Variants in COL18A1 observed in about 807,000 individuals in gnomAD.
COL18A1 encodes collagen alpha-1(XVIII) chain.
Under a neutral mutation model 168.0 loss-of-function variants are expected in COL18A1, and 133 were observed. The observed-to-expected ratio is 0.79, with a 90% CI of 0.69 to 0.91. The LOEUF (loss-of-function observed/expected upper bound fraction) is 0.91, where lower values mean the gene tolerates loss of function less well. Ranked by LOEUF, COL18A1 falls within the 40% of genes least tolerant of loss-of-function variation. The pLI, the probability that COL18A1 is intolerant of heterozygous loss-of-function variation, is 0.00. For synonymous variants in COL18A1, 949 were observed against 809.0 expected, an observed-to-expected ratio of 1.17 and a Z score of -2.94; for missense variants, 2,126 against 1,925.4, an observed-to-expected ratio of 1.10 and a Z score of -1.95.
chr21:45,456,931 G>A (rs2034850350), intron 2 of COL18A1: 2 of 1,351,960 alleles, frequency 1.5e-6, no homozygotes, highest in African/African-American at 1.5e-5. Flanking sequence ...GCCTTGCCAG[G>A]TAAGTGTGGG....
At chr21:45,437,676 A>G (rs2034201851) in intron 2 of COL18A1, among the ~76,000 whole-genome samples, 2 of 80,174 alleles carry the variant, frequency 2.5e-5, no homozygotes, top group Non-Finnish European at 4.7e-5. Context: ...TCAGACACAC[A>G]GGCACTCTCC....
chr21:45,505,388 C>G lies in COL18A1; in HGVS notation c.3044C>G (p.Pro1015Arg). 1 of 1,571,910 alleles carries G rather than the reference C, an allele frequency of 6.4e-7. No homozygotes were observed. Among genetic ancestry groups the G allele is most frequent in the Non-Finnish European group, 8.7e-7 (1 of 1,149,160 alleles). Residue 1015 changes from proline to arginine, a missense_variant, in exon 36 of 42, where the codon CCT becomes CGT. Pro to Arg is a moderately radical substitution (Grantham distance 103). Coordinates refer to ENST00000651438, the MANE Select transcript of COL18A1 (RefSeq NM_001379500.1). ...TISVPGPPGP[P>R]GPPGPPGTMG... ...AGCGTTCCCGGCCCTCCGGGCCCCC[C>G]TGGGCCCCCTGGGCCCCCTGGAACC... is the stretch of plus-strand genomic sequence containing the variant.
intron 2 of COL18A1, among the ~76,000 whole-genome samples, chr21:45,430,173 T>G (rs1435036130): frequency 6.7e-6 from 1 of 149,452 alleles, no homozygotes; most frequent in Non-Finnish European, 1.5e-5. Flanking sequence ...GTCCATGAAG[T>G]GGGGTCATGG....
intron 2 of COL18A1, among the ~76,000 whole-genome samples, chr21:45,429,192 C>T (rs1257737160): frequency 2.6e-5 from 4 of 152,202 alleles, no homozygotes; most frequent in African/African-American, 7.2e-5. Context: ...TGAGCCACCG[C>T]GCCCAGCCGA....
At chr21:45,505,715 A>G (rs1428768024) in intron 36 of COL18A1, 123 bp from the exon 37 acceptor site, 2 of 814,998 alleles carry the variant, frequency 2.5e-6, no homozygotes, top group East Asian at 5.3e-5. Flanking sequence ...CAGCCGCCTC[A>G]GTCCACACCT....
At chr21:45,467,217 G>A (rs2035243492) in intron 2 of COL18A1, 2 of 985,016 alleles carry the variant, frequency 2.0e-6, no homozygotes, top group African/African-American at 1.7e-5. Context: ...AGGAAACGAG[G>A]TGTGAGAACT....
rs377028409 is a variant in COL18A1, at chr21:45,477,840, C to T, written c.1096C>T (p.Pro366Ser). Reference protein sequence around the residue: ...PPGSPCLPGPPGLPCPVSPLG... With the variant: ...PPGSPCLPGPSGLPCPVSPLG... ...AGGATCCCCATGCCTACCTGGTCCC[C>T]CGGGTCTCCCGTGCCCAGTGAGTCC... Residue 366 changes from proline to serine, a missense_variant, in exon 8 of 42, where the codon CCG (proline) becomes TCG (serine). Transcript: ENST00000651438. The T allele has an allele frequency of 1.4e-5, 22 of 1,553,154 alleles. No individual in the cohort carries two copies. Among genetic ancestry groups the T allele is most frequent in the Middle Eastern group, 3.3e-4 (2 of 5,984 alleles).
intron 2 of COL18A1, among the ~76,000 whole-genome samples, chr21:45,466,125 A>G (rs1165156017): frequency 6.6e-6 from 1 of 152,154 alleles, no homozygotes; most frequent in Non-Finnish European, 1.5e-5. Context: ...GCTTTGGCTC[A>G]GAGGCTGCCA....
rs1183965349 is a variant in COL18A1 at position 45,493,170 on chromosome 21, C to T, written c.2222C>T (p.Ala741Val). The change falls in exon 25 of 42, where the codon GCA (alanine) becomes GTA (valine). Residue 741 changes from alanine to valine, a missense_variant. Coordinates refer to ENST00000651438, the MANE Select transcript of COL18A1 (RefSeq NM_001379500.1). ...GCCTGGCCTCCATTCCAGGGACCTGCAGGACCCAAGGGCAACCTGGGCTCT... is the reference window on the plus strand; with the variant it reads ...GCCTGGCCTCCATTCCAGGGACCTGTAGGACCCAAGGGCAACCTGGGCTCT... ...RPGFAGFPGP[A>V]GPKGNLGSKG... 13 of 1,559,154 alleles carry T rather than the reference C, an allele frequency of 8.3e-6. No individual in the cohort carries two copies. In the East Asian group the frequency reaches 2.9e-4, roughly 35 times the overall value.
At position 45,505,447 on chromosome 21, in the gene COL18A1, G is replaced by A; in HGVS notation, c.3087+16G>A. ...CTCCTCAGGGGTAAGTGTCTGGGCA[G>A]CCGGCTGGGCACCTGCGTCCCGTGC... is the stretch of plus-strand genomic sequence containing the variant. On this transcript the variant is annotated intron_variant, in intron 36 of 41. Transcript: ENST00000651438. 4 of 1,436,324 alleles carry A rather than the reference G, an allele frequency of 2.8e-6. No individual in the cohort carries two copies. The highest frequency in any genetic ancestry group is 1.4e-5 in the African/African-American group (1 of 71,928). The allele number at this position is 1,436,324 out of a possible 1,614,324, so 89.0% of individuals were successfully genotyped here.
intron 22 of COL18A1, among the ~76,000 whole-genome samples, chr21:45,491,790 C>T (rs920620062): frequency 6.6e-6 from 1 of 152,228 alleles, no homozygotes; most frequent in Non-Finnish European, 1.5e-5. Context: ...GTCCCTGTGC[C>T]ACCCTGGCCT....
chr21:45,476,532 T>C (rs1403663409), intron 6 of COL18A1, 52 bp downstream of exon 6: 2 of 1,550,988 alleles, frequency 1.3e-6, no homozygotes, highest in East Asian at 4.9e-5. Flanking sequence ...GTGTGTGGTG[T>C]GTAACGTGTG....
chr21:45,506,312 C>A, intron 37 of COL18A1: 1 of 369,000 alleles, frequency 2.7e-6, no homozygotes, highest in Non-Finnish European at 5.3e-6. Flanking sequence ...GGGGCTCAGG[C>A]CCTCCAGGGC....
In COL18A1 at chr21:45,512,236, G is replaced by A. The variant is rs758878514; in HGVS notation, c.3858G>A (p.Leu1286=). ...WHGSDPNGRR[L]TESYCETWRT... is the part of the protein sequence containing the mutation. ...GCTCGGACCCCAACGGGCGCAGGCTGACCGAGAGCTACTGTGAGACGTGGC... is the reference window on the plus strand; with the variant it reads ...GCTCGGACCCCAACGGGCGCAGGCTAACCGAGAGCTACTGTGAGACGTGGC... Residue 1286 remains leucine (L), a synonymous_variant, in exon 42 of 42, where the codon CTG becomes CTA. Transcript: ENST00000651438. 6.8e-6 allele frequency: 11 copies of A among 1,612,534 alleles called. No individual in the cohort carries two copies. In the South Asian group the frequency reaches 1.2e-4, roughly 18 times the overall value.
intron 38 of COL18A1, among the ~76,000 whole-genome samples, chr21:45,508,284 A>ATGGGGAGGTGGATGGGTGGTTGC (rs1241650291): frequency 7.2e-6 from 1 of 138,292 alleles, no homozygotes; most frequent in African/African-American, 2.9e-5. Flanking sequence ...GGGTAGGTAG[A>ATGGGGAGGTGGATGGGTGGTTGC]TGGGGAGGTG....
At chr21:45,490,495 C>CCTGGGCCTCCATGTGCCCTCGT (rs1206921152) in intron 20 of COL18A1, 149 bp downstream of exon 20, 4 of 374,486 alleles carry the variant, frequency 1.1e-5, no homozygotes, top group African/African-American at 3.6e-5. Flanking sequence ...TGTGCCCTCC[C>CCTGGGCCTCCATGTGCCCTCGT]GGGTCTCTGG....
intron 2 of COL18A1, among the ~76,000 whole-genome samples, chr21:45,417,694 C>T (rs902438103): frequency 2.0e-5 from 3 of 152,160 alleles, no homozygotes; most frequent in Non-Finnish European, 4.4e-5. Context: ...GGTGACCGCT[C>T]TCGGCCGGGG....
At chr21:45,456,246 A>G (rs1367246948) in intron 2 of COL18A1, 4 of 1,586,006 alleles carry the variant, frequency 2.5e-6, no homozygotes, top group Non-Finnish European at 3.4e-6. Context: ...CCAGACAGCC[A>G]AGGACTCTCG....
Position 45,490,861 on chromosome 21 carries a change from G to A in COL18A1, c.2057G>A (p.Arg686Gln), listed in dbSNP as rs367841049. Residue 686 changes from arginine to glutamine, a missense_variant, in exon 21 of 42, where the codon CGG (arginine) becomes CAG (glutamine). Transcript: ENST00000651438. ...GGGCCAAAGGGAGACAGAGGCAGCC[G>A]GGGAGAAAAGGTGAGTGTCCCTGGG... is the stretch of plus-strand genomic sequence containing the variant. Reference protein sequence around the residue: ...PQGPKGDRGSRGEKGDPGKDG... With the variant: ...PQGPKGDRGSQGEKGDPGKDG... 3.2e-5 allele frequency: 49 copies of A among 1,549,990 alleles called. No homozygotes were observed. The highest frequency in any genetic ancestry group is 1.7e-4 in the Middle Eastern group (1 of 5,984).
Sources: allele counts gnomAD v4.1 joint callset (sites outside exome capture counted in the v4.1 genomes callset), GRCh38; gene constraint gnomAD v4.1.1; transcripts MANE v1.5; gene names NCBI Gene and HGNC (gene_info 2026-07-23, HGNC 2026-07-21).